RASSF2: variants seen among roughly 807,000 people sequenced by gnomAD.
The protein encoded by RASSF2 is ras association domain-containing protein 2.
A neutral mutation model predicts 46.3 loss-of-function variants in RASSF2; 34 were observed. The observed-to-expected ratio is 0.73, with a 90% confidence interval of 0.56 to 0.98. The LOEUF (loss-of-function observed/expected upper bound fraction) is 0.98, where lower values mean the gene tolerates loss of function less well. RASSF2 is among the 50% of genes least tolerant of loss of function. The pLI is 0.00. For synonymous variants in RASSF2, 158 were observed against 162.5 expected (o/e 0.97, Z 0.21); for missense variants, 364 against 431.2 (o/e 0.84, Z 1.38).
intron 2 of RASSF2, among the ~76,000 whole-genome samples, chr20:4,807,741 T>G (rs1312520707): frequency 6.6e-6 from 1 of 152,250 alleles, no homozygotes; most frequent in Non-Finnish European, 1.5e-5. Flanking sequence ...ATGGCCTGAC[T>G]TCTCCCCACC....
At position 4,795,853 on chromosome 20, in the gene RASSF2, G is replaced by A. The variant is rs201437164; in HGVS notation, c.249C>T (p.Ser83=). Residue 83 remains serine (S), a synonymous_variant, in exon 5 of 12, where the codon TCC becomes TCT. Coordinates refer to ENST00000379400, the MANE Select transcript of RASSF2 (RefSeq NM_014737.3). This position sits in a 1 kb window ranked among gnomAD's most constrained non-coding sequence, Gnocchi z 4.0. ...GGTTACAGCCAGAGTGCCAGGAGGA[G>A]GAGGATGGAGGGGGTCGAATGCGTT... ...DNERIRPPPS[S]SSWHSGCNLG... 2.2e-5 allele frequency: 36 copies of A among 1,611,354 alleles called. No individual in the cohort carries two copies. The highest frequency in any genetic ancestry group is 3.3e-4 in the Middle Eastern group (2 of 6,070).
In RASSF2 at chr20:4,786,213, C is replaced by G; in HGVS notation, c.911+18G>C. 1 of 1,583,500 alleles carries G rather than the reference C, an allele frequency of 6.3e-7. No individual in the cohort carries two copies. The highest frequency in any genetic ancestry group is 8.7e-7 in the Non-Finnish European group (1 of 1,152,334). Reference sequence around the variant, plus strand: ...GCCCCAGGAGAAGTGCACCCAGTGCCCCAGAAGCCACACTTACTTGCGCAT... The same window carrying G: ...GCCCCAGGAGAAGTGCACCCAGTGCGCCAGAAGCCACACTTACTTGCGCAT... On this transcript the variant is annotated intron_variant, in intron 11 of 11. Transcript: ENST00000379400.
At chr20:4,792,117 G>A (rs528885957) in intron 6 of RASSF2, among the ~76,000 whole-genome samples, 1 of 152,124 alleles carries the variant, frequency 6.6e-6, no homozygotes, top group South Asian at 2.1e-4. Flanking sequence ...TGGGCATGGT[G>A]GCCCATGCCT....
chr20:4,800,682 T>A (rs1926784611), intron 3 of RASSF2, among the ~76,000 whole-genome samples: 1 of 152,134 alleles, frequency 6.6e-6, no homozygotes, highest in Non-Finnish European at 1.5e-5. Flanking sequence ...CAACTCCTCC[T>A]CCTGGAAGTC....
rs1924851439 is a variant in RASSF2 at position 4,781,792 on chromosome 20, G to A, written c.*2481C>T. On this transcript the variant is annotated 3_prime_UTR_variant, in exon 12 of 12. Coordinates refer to ENST00000379400, the MANE Select transcript of RASSF2 (RefSeq NM_014737.3). ...TCTTTTGTCCTTTACACAATTTCAG[G>A]TTCATTGCACGCAATTACATAAACT... 2 of 152,132 alleles carry A rather than the reference G, an allele frequency of 1.3e-5. No individual in the cohort carries two copies. The highest frequency in any genetic ancestry group is 4.8e-5 in the African/African-American group (2 of 41,418). The allele number at this position is 152,132 out of a possible 1,614,324, so 9.4% of individuals were successfully genotyped here. A position where few individuals can be genotyped will look rare whatever the true frequency, so the allele number is the denominator to read the frequency against.
chr20:4,789,576 A>T lies in RASSF2; in HGVS notation c.639+20T>A, dbSNP rs763221823. 4 of 1,605,472 alleles carry T rather than the reference A, an allele frequency of 2.5e-6. No individual in the cohort carries two copies. In the Admixed American group the frequency reaches 6.7e-5, roughly 27 times the overall value. On this transcript the variant is annotated intron_variant, in intron 8 of 11. Coordinates refer to ENST00000379400, the MANE Select transcript of RASSF2 (RefSeq NM_014737.3). ...CACAGCTGTGACCCCATCTGTGGCC[A>T]CTCAGCAAAGGGAACTTGCCTTAAA...
chr20:4,789,798 G>T, intron 7 of RASSF2, 101 bp from the exon 8 acceptor site: 2 of 945,464 alleles, frequency 2.1e-6, no homozygotes, highest in Non-Finnish European at 3.3e-6. Flanking sequence ...TACTCAGAAT[G>T]TACTCCCTGG....
At chr20:4,822,294 T>C (rs541168623) in intron 2 of RASSF2, 35 bp downstream of exon 2, 1 of 152,318 alleles carries the variant, frequency 6.6e-6, no homozygotes, top group Non-Finnish European at 1.5e-5. Flanking sequence ...AGCTGATTGG[T>C]TCATACATTC....
rs1925696748 is a variant in RASSF2, at chr20:4,789,698, C to G, written c.538-1G>C. On this transcript the variant is annotated splice_acceptor_variant, in intron 7 of 11. Transcript: ENST00000379400. LOFTEE classifies it high-confidence loss of function. ...CATAGGCTGGTGTGAACACGGATGT[C>G]TGTCAATAGAAGGGCCCAGCTCAGG... 6.2e-7 allele frequency: 1 copy of G among 1,613,766 alleles called. No homozygotes were observed. Among genetic ancestry groups the G allele is most frequent in the Non-Finnish European group, 8.5e-7 (1 of 1,179,764 alleles).
intron 2 of RASSF2, among the ~76,000 whole-genome samples, chr20:4,821,117 A>G (rs1928663103): frequency 6.6e-6 from 1 of 152,146 alleles, no homozygotes; most frequent in Admixed American, 6.5e-5. Context: ...CCGGGGCACC[A>G]GGAAATAGAC....
rs200585045 is a variant in RASSF2, at chr20:4,795,931, G to A, written c.171C>T (p.Asn57=). The A allele has an allele frequency of 6.5e-4, 1,012 of 1,564,994 alleles. 12 individuals are homozygous for A. The highest frequency in any genetic ancestry group is 6.1e-5 in the Non-Finnish European group (70 of 1,150,922). ...EDEFIVEGLL[N]ISWGLRRPIR... is the part of the protein sequence containing the mutation. Reference sequence around the variant, plus strand: ...TGGGCCGGCGCAGGCCCCAGGAGATGTTCAGGAGCCCCTCCACAATGAACT... The same window carrying A: ...TGGGCCGGCGCAGGCCCCAGGAGATATTCAGGAGCCCCTCCACAATGAACT... Residue 57 remains asparagine, a synonymous_variant, in exon 5 of 12, where the codon AAC becomes AAT. Transcript: ENST00000379400. The surrounding 1 kb of genome is among the most constrained non-coding windows in gnomAD (Gnocchi z 4.0).
Position 4,780,250 on chromosome 20 carries a change from A to C in RASSF2, c.*4023T>G, listed in dbSNP as rs950845738. 6.6e-6 allele frequency: 1 copy of C among 152,260 alleles called. No individual in the cohort carries two copies. The highest frequency in any genetic ancestry group is 2.4e-5 in the African/African-American group (1 of 41,458). 9.4% of individuals were successfully genotyped at this position (152,260 alleles called of 1,614,324 possible). Reference sequence around the variant, plus strand: ...CTTCACAAGGCTAAAACAATTGGGAAAACCCTTCAGAAACGCTAGCAATTA... The same window carrying C: ...CTTCACAAGGCTAAAACAATTGGGACAACCCTTCAGAAACGCTAGCAATTA... On this transcript the variant is annotated 3_prime_UTR_variant, in exon 12 of 12. Transcript: ENST00000379400.
rs1927892527 is a variant in RASSF2, at chr20:4,812,401, T to C, written c.-33+9928A>G. Among the ~76,000 whole-genome samples the C allele has an allele frequency of 6.6e-6, 1 of 152,228 alleles. No homozygotes were observed. Among genetic ancestry groups the C allele is most frequent in the African/African-American group, 2.4e-5 (1 of 41,456 alleles). On this transcript the variant is annotated intron_variant, in intron 2 of 11. Transcript: ENST00000379400. The surrounding 1 kb of genome is among the most constrained non-coding windows in gnomAD (Gnocchi z 4.0). ...GACACACAGCTAGAAGGGGCGGAGC[T>C]GAGGCTCAAATCCAGGGCGGTGCAG...
chr20:4,799,032 C>T lies in RASSF2; in HGVS notation c.60-947G>A, dbSNP rs533229164. On this transcript the variant is annotated intron_variant, in intron 3 of 11. Coordinates refer to ENST00000379400, the MANE Select transcript of RASSF2 (RefSeq NM_014737.3). ...GTGTCTAGCTTCTTTCACAAAAAAG[C>T]ACAGATCATATTCCATTGACAGAAA... 2.0e-5 allele frequency among the ~76,000 whole-genome samples: 3 copies of T among 152,050 alleles called. No individual in the cohort carries two copies. In the South Asian group the frequency reaches 6.2e-4, roughly 32 times the overall value.
intron 2 of RASSF2, among the ~76,000 whole-genome samples, chr20:4,809,393 G>A (rs935852883): frequency 3.3e-5 from 5 of 151,768 alleles, no homozygotes; most frequent in Non-Finnish European, 5.9e-5. Flanking sequence ...TTCTAGCCTC[G>A]ACCCTCATCA....
At chr20:4,789,166 T>C (rs556736034) in intron 8 of RASSF2, among the ~76,000 whole-genome samples, 6 of 152,302 alleles carry the variant, frequency 3.9e-5, no homozygotes, top group Admixed American at 1.3e-4. Context: ...TTAAGTATCA[T>C]ATTTCAAAGT....
intron 11 of RASSF2, among the ~76,000 whole-genome samples, chr20:4,784,956 A>G (rs1925178354): frequency 6.6e-6 from 1 of 152,156 alleles, no homozygotes; most frequent in South Asian, 2.1e-4. Context: ...GCAGGGATCA[A>G]TGGACATATT....
rs530311590 is a variant in RASSF2 at position 4,812,205 on chromosome 20, G to A, written c.-33+10124C>T. ...GCATGGGCAAAATGTGGGCTGCCTC[G>A]GAAGGAAATGGCATACTCTGCCTTC... is the stretch of plus-strand genomic sequence containing the variant. On this transcript the variant is annotated intron_variant, in intron 2 of 11. Transcript: ENST00000379400. The surrounding 1 kb of genome is among the most constrained non-coding windows in gnomAD (Gnocchi z 4.0). Among the ~76,000 whole-genome samples, 15 of 152,272 alleles carry A rather than the reference G, an allele frequency of 9.9e-5. No individual in the cohort carries two copies. The highest frequency in any genetic ancestry group is 2.2e-4 in the African/African-American group (9 of 41,542).
intron 2 of RASSF2, among the ~76,000 whole-genome samples, chr20:4,820,805 A>G (rs1928641500): frequency 6.6e-6 from 1 of 151,692 alleles, no homozygotes; most frequent in Non-Finnish European, 1.5e-5. Flanking sequence ...TCCTGGGACT[A>G]CTCTTGGGGT....
Sources: gnomAD v4.1 joint callset for allele counts (sites outside exome capture counted in the v4.1 genomes callset) on GRCh38, gnomAD v4.1.1 for gene constraint, Gnocchi (gnomAD v3.1) non-coding constraint, MANE v1.5 for transcripts, NCBI Gene and HGNC (gene_info 2026-07-23, HGNC 2026-07-21) for gene names.